PEX3: variants seen among roughly 807,000 people sequenced by gnomAD.
PEX3 encodes peroxisomal biogenesis factor 3.
In PEX3, 30 loss-of-function variants were observed where a neutral mutation model predicts 55.8. The observed-to-expected ratio is 0.54, with a 90% CI of 0.40 to 0.73. The LOEUF is 0.73. Ranked by LOEUF, PEX3 falls within the 30% of genes least tolerant of loss-of-function variation. The pLI is 0.00. For missense variants in PEX3, 351 were observed against 432.8 expected, an observed-to-expected ratio of 0.81 and a Z score of 1.68; for synonymous variants, 135 against 148.4, an observed-to-expected ratio of 0.91 and a Z score of 0.66.
In PEX3 at chr6:143,458,955, T is replaced by C; in HGVS notation, c.74-130T>C. 1.6e-6 allele frequency: 1 copy of C among 643,490 alleles called. No homozygotes were observed. The highest frequency in any genetic ancestry group is 2.7e-6 in the Non-Finnish European group (1 of 368,156). The allele number at this position is 643,490 out of a possible 1,614,324, so 39.9% of individuals were successfully genotyped here. A position where few individuals can be genotyped will look rare whatever the true frequency, so the allele number is the denominator to read the frequency against. On this transcript the variant is annotated intron_variant, in intron 1 of 11. Coordinates refer to ENST00000367591, the MANE Select transcript of PEX3 (RefSeq NM_003630.3). The surrounding 1 kb of genome is among the most constrained non-coding windows in gnomAD (Gnocchi z 6.1). ...TTTGGGCCAATCTTACAAAATTCTT[T>C]ATTTAGGTTTTAAAAATGTAATTTT...
At position 143,490,242 on chromosome 6, in the gene PEX3, A is replaced by T. The variant is rs1378638383; in HGVS notation, c.*1016A>T. On this transcript the variant is annotated 3_prime_UTR_variant, in exon 12 of 12. Coordinates refer to ENST00000367591, the MANE Select transcript of PEX3 (RefSeq NM_003630.3). This position sits in a 1 kb window ranked among gnomAD's most constrained non-coding sequence, Gnocchi z 6.0. ...AATACATCTGTAATTCTTCATTTAG[A>T]AGGGTAATTAGGGCAAAAGTAAATA... Among the ~76,000 whole-genome samples, 3 of 152,194 alleles carry T rather than the reference A, an allele frequency of 2.0e-5. No individual in the cohort carries two copies. Among genetic ancestry groups the T allele is most frequent in the Non-Finnish European group, 4.4e-5 (3 of 68,032 alleles).
In PEX3 at chr6:143,489,943, A is replaced by C. The variant is rs1195097651; in HGVS notation, c.*717A>C. 1.3e-5 allele frequency: 2 copies of C among 152,174 alleles called. No homozygotes were observed. The highest frequency in any genetic ancestry group is 2.9e-5 in the Non-Finnish European group (2 of 67,998). The allele number at this position is 152,174 out of a possible 1,614,324, so 9.4% of individuals were successfully genotyped here. A position where few individuals can be genotyped will look rare whatever the true frequency, so the allele number is the denominator to read the frequency against. On this transcript the variant is annotated 3_prime_UTR_variant, in exon 12 of 12. Coordinates refer to ENST00000367591, the MANE Select transcript of PEX3 (RefSeq NM_003630.3). This position sits in a 1 kb window ranked among gnomAD's most constrained non-coding sequence, Gnocchi z 5.5. ...TTTTAATCATTTGTACATAATTTTAAAAACTTACTTTGTATTGATTTTGAA... is the reference window on the plus strand; with the variant it reads ...TTTTAATCATTTGTACATAATTTTACAAACTTACTTTGTATTGATTTTGAA...
chr6:143,480,460 C>A (rs1409773317), intron 10 of PEX3, among the ~76,000 whole-genome samples: 1 of 152,174 alleles, frequency 6.6e-6, no homozygotes, highest in Admixed American at 6.5e-5. Context: ...TCTGTACTTT[C>A]ATGTACAACC....
At position 143,485,081 on chromosome 6, in the gene PEX3, T is replaced by A; in HGVS notation, c.942-71T>A. ...ATATTCTACAATGGCTATGTATTAC[T>A]TTTATAATTAAGATGTTAAAGTCCT... is the stretch of plus-strand genomic sequence containing the variant. On this transcript the variant is annotated intron_variant, in intron 10 of 11. Coordinates refer to ENST00000367591, the MANE Select transcript of PEX3 (RefSeq NM_003630.3). This position sits in a 1 kb window ranked among gnomAD's most constrained non-coding sequence, Gnocchi z 5.6. 1 of 863,152 alleles carries A rather than the reference T, an allele frequency of 1.2e-6. No individual in the cohort carries two copies. The highest frequency in any genetic ancestry group is 2.0e-6 in the Non-Finnish European group (1 of 497,288). 53.5% of individuals were successfully genotyped at this position (863,152 alleles called of 1,614,324 possible).
rs1050881940 is a variant in PEX3 at position 143,489,426 on chromosome 6, G to A, written c.*200G>A. ...TAGATTCATCAACAGACCAGTTTTT[G>A]TGGGCATATATATATACACGTGCAA... On this transcript the variant is annotated 3_prime_UTR_variant, in exon 12 of 12. Coordinates refer to ENST00000367591, the MANE Select transcript of PEX3 (RefSeq NM_003630.3). This position sits in a 1 kb window ranked among gnomAD's most constrained non-coding sequence, Gnocchi z 5.5. 6.3e-6 allele frequency: 3 copies of A among 479,046 alleles called. No individual in the cohort carries two copies. Among genetic ancestry groups the A allele is most frequent in the Admixed American group, 6.8e-5 (2 of 29,358 alleles). 29.7% of individuals were successfully genotyped at this position (479,046 alleles called of 1,614,324 possible).
rs772179407 is a variant in PEX3 at position 143,451,158 on chromosome 6, G to A, written c.73+43G>A. On this transcript the variant is annotated intron_variant, in intron 1 of 11. Coordinates refer to ENST00000367591, the MANE Select transcript of PEX3 (RefSeq NM_003630.3). This position sits in a 1 kb window ranked among gnomAD's most constrained non-coding sequence, Gnocchi z 4.1. ...TGAAAGGGGGCATTGGGAGAAGGGG[G>A]TGGGAGAGGTGACTTCTTCTAAAAT... 7.6e-7 allele frequency: 1 copy of A among 1,322,188 alleles called. No homozygotes were observed. The highest frequency in any genetic ancestry group is 1.2e-5 in the South Asian group (1 of 85,408). 81.9% of individuals were successfully genotyped at this position (1,322,188 alleles called of 1,614,324 possible).
chr6:143,461,487 A>G (rs1779918427), intron 2 of PEX3, among the ~76,000 whole-genome samples: 1 of 152,130 alleles, frequency 6.6e-6, no homozygotes, highest in Non-Finnish European at 1.5e-5. Context: ...CACATTCTGC[A>G]TTTTTTGTAC....
rs778683131 is a variant in PEX3 at position 143,489,132 on chromosome 6, A to G, written c.1039-11A>G. 4.4e-6 allele frequency: 7 copies of G among 1,573,610 alleles called. No homozygotes were observed. Among genetic ancestry groups the G allele is most frequent in the African/African-American group, 2.7e-5 (2 of 74,110 alleles). On this transcript the variant is annotated splice_polypyrimidine_tract_variant and intron_variant, in intron 11 of 11. Coordinates refer to ENST00000367591, the MANE Select transcript of PEX3 (RefSeq NM_003630.3). This position sits in a 1 kb window ranked among gnomAD's most constrained non-coding sequence, Gnocchi z 5.5. ...TTGCAAACTATAATGTTATATTATC[A>G]TCTTTGCTAGGATCTGTTGACAATG...
intron 3 of PEX3, among the ~76,000 whole-genome samples, chr6:143,467,610 A>C (rs1780010149): frequency 6.6e-6 from 1 of 152,168 alleles, no homozygotes. Context: ...AAGACTAATA[A>C]AAGATTATAC....
At position 143,479,175 on chromosome 6, in the gene PEX3, G is replaced by C. The variant is rs1780195038; in HGVS notation, c.918G>C (p.Leu306=). 6.2e-7 allele frequency: 1 copy of C among 1,605,864 alleles called. No individual in the cohort carries two copies. The highest frequency in any genetic ancestry group is 1.3e-5 in the African/African-American group (1 of 74,846). The part of the protein sequence containing the change: ...AEFFRPTEQD[L]QHGNSMNSLS... The stretch of plus-strand genomic sequence containing the variant: ...TCTTTCGACCTACTGAACAGGACCT[G>C]CAACATGGTAACTCTATGAATAGGT... Residue 306 remains leucine, a synonymous_variant, in exon 10 of 12, where the codon CTG becomes CTC. Transcript: ENST00000367591. The surrounding 1 kb of genome is among the most constrained non-coding windows in gnomAD (Gnocchi z 4.6).
rs1779881474 is a variant in PEX3 at position 143,458,835 on chromosome 6, T to A, written c.74-250T>A. ...TCTACTAGTAAAGGCACTGCCAGAC[T>A]TTTTAGATTTAATTCCTTTCCCTTC... On this transcript the variant is annotated intron_variant, in intron 1 of 11. Transcript: ENST00000367591. The surrounding 1 kb of genome is among the most constrained non-coding windows in gnomAD (Gnocchi z 6.1). Among the ~76,000 whole-genome samples, 2 of 152,202 alleles carry A rather than the reference T, an allele frequency of 1.3e-5. No individual in the cohort carries two copies. Among genetic ancestry groups the A allele is most frequent in the African/African-American group, 2.4e-5 (1 of 41,448 alleles).
At position 143,453,160 on chromosome 6, in the gene PEX3, A is replaced by G. The variant is rs1204910023; in HGVS notation, c.73+2045A>G. Among the ~76,000 whole-genome samples, 4 of 152,226 alleles carry G rather than the reference A, an allele frequency of 2.6e-5. No individual in the cohort carries two copies. The highest frequency in any genetic ancestry group is 2.6e-4 in the Admixed American group (4 of 15,276). Reference sequence around the variant, plus strand: ...TATAGTCTGATAGGAAGGAAAAGCAAGTATACATGTAATTAAGATACAGAA... The same window carrying G: ...TATAGTCTGATAGGAAGGAAAAGCAGGTATACATGTAATTAAGATACAGAA... On this transcript the variant is annotated intron_variant, in intron 1 of 11. Transcript: ENST00000367591. The surrounding 1 kb of genome is among the most constrained non-coding windows in gnomAD (Gnocchi z 4.6).
Position 143,479,014 on chromosome 6 carries a change from T to A in PEX3, c.819-62T>A. ...CTTTCAAAGGTAACCACGTTATTAC[T>A]GAATTTGTTTTCTCTTCCATTCAGA... On this transcript the variant is annotated intron_variant, in intron 9 of 11. Transcript: ENST00000367591. This position sits in a 1 kb window ranked among gnomAD's most constrained non-coding sequence, Gnocchi z 4.6. 9.6e-7 allele frequency: 1 copy of A among 1,037,746 alleles called. No homozygotes were observed. 64.3% of individuals were successfully genotyped at this position (1,037,746 alleles called of 1,614,324 possible). A position where few individuals can be genotyped will look rare whatever the true frequency, so the allele number is the denominator to read the frequency against.
In PEX3 at chr6:143,451,165, A is replaced by C. The variant is rs1296689267; in HGVS notation, c.73+50A>C. 5.5e-6 allele frequency: 7 copies of C among 1,278,440 alleles called. No homozygotes were observed. The highest frequency in any genetic ancestry group is 8.0e-6 in the Non-Finnish European group (7 of 873,706). The allele number at this position is 1,278,440 out of a possible 1,614,324, so 79.2% of individuals were successfully genotyped here. On this transcript the variant is annotated intron_variant, in intron 1 of 11. Transcript: ENST00000367591. This position sits in a 1 kb window ranked among gnomAD's most constrained non-coding sequence, Gnocchi z 4.1. ...GGGCATTGGGAGAAGGGGGTGGGAG[A>C]GGTGACTTCTTCTAAAATAAGGACA...
chr6:143,463,218 G>A lies in PEX3; in HGVS notation c.287+221G>A, dbSNP rs547010922. Among the ~76,000 whole-genome samples, 2 of 152,196 alleles carry A rather than the reference G, an allele frequency of 1.3e-5. No individual in the cohort carries two copies. The highest frequency in any genetic ancestry group is 6.5e-5 in the Admixed American group (1 of 15,276). On this transcript the variant is annotated intron_variant, in intron 3 of 11. Coordinates refer to ENST00000367591, the MANE Select transcript of PEX3 (RefSeq NM_003630.3). This position sits in a 1 kb window ranked among gnomAD's most constrained non-coding sequence, Gnocchi z 5.7. ...CAAGGCAATGATATTTGTATGTATT[G>A]TTTTTCATATAAATAGACCTTATAG...
rs1233722171 is a variant in PEX3, at chr6:143,471,688, C to G, written c.578+77C>G. 6.9e-6 allele frequency: 7 copies of G among 1,018,194 alleles called. No homozygotes were observed. Among genetic ancestry groups the G allele is most frequent in the Non-Finnish European group, 1.1e-5 (7 of 639,776 alleles). The allele number at this position is 1,018,194 out of a possible 1,614,324, so 63.1% of individuals were successfully genotyped here. A position where few individuals can be genotyped will look rare whatever the true frequency, so the allele number is the denominator to read the frequency against. ...GAAAATTAGAATTGTTCTAGTGAAACCAGTGACTTGACAAACGGTGATTTG... is the reference window on the plus strand; with the variant it reads ...GAAAATTAGAATTGTTCTAGTGAAAGCAGTGACTTGACAAACGGTGATTTG... On this transcript the variant is annotated intron_variant, in intron 7 of 11. Transcript: ENST00000367591. This position sits in a 1 kb window ranked among gnomAD's most constrained non-coding sequence, Gnocchi z 5.4.
At chr6:143,460,708 T>C (rs1344882807) in intron 2 of PEX3, among the ~76,000 whole-genome samples, 1 of 151,764 alleles carries the variant, frequency 6.6e-6, no homozygotes, top group Non-Finnish European at 1.5e-5. Flanking sequence ...CCACTAAAAA[T>C]ACAAAATTAG....
At chr6:143,474,279 C>G (rs1297481817) in intron 8 of PEX3, among the ~76,000 whole-genome samples, 1 of 152,006 alleles carries the variant, frequency 6.6e-6, no homozygotes, top group African/African-American at 2.4e-5. Flanking sequence ...GAAACCCTGT[C>G]TCTACTAAAA....
rs1780069445 is a variant in PEX3, at chr6:143,471,257, G to A, written c.457-126G>A. The A allele has an allele frequency of 2.0e-6, 2 of 1,025,384 alleles. No homozygotes were observed. Among genetic ancestry groups the A allele is most frequent in the Non-Finnish European group, 3.0e-6 (2 of 674,026 alleles). 63.5% of individuals were successfully genotyped at this position (1,025,384 alleles called of 1,614,324 possible). A position where few individuals can be genotyped will look rare whatever the true frequency, so the allele number is the denominator to read the frequency against. On this transcript the variant is annotated intron_variant, in intron 5 of 11. Transcript: ENST00000367591. This position sits in a 1 kb window ranked among gnomAD's most constrained non-coding sequence, Gnocchi z 5.4. The stretch of plus-strand genomic sequence containing the variant: ...ATGTTGAAACTAGAATTTTTGGTGT[G>A]TTAAAAATTACTATTTTTCCCGTCA...
Sources: allele counts gnomAD v4.1 joint callset (sites outside exome capture counted in the v4.1 genomes callset), GRCh38; gene constraint gnomAD v4.1.1; non-coding constraint Gnocchi (gnomAD v3.1); transcripts MANE v1.5; gene names NCBI Gene and HGNC (gene_info 2026-07-23, HGNC 2026-07-21).